METAP1D: variants seen among roughly 807,000 people sequenced by gnomAD.
METAP1D encodes methionyl aminopeptidase type 1D, mitochondrial.
Under a neutral mutation model 40.5 loss-of-function variants are expected in METAP1D, and 31 were observed. That is an observed-to-expected ratio of 0.77 (90% CI 0.58 to 1.03). METAP1D has a LOEUF of 1.03. Among genes scored for constraint, METAP1D ranks in the 50% least tolerant of loss-of-function variants. The pLI is 0.00. For missense variants in METAP1D, 411 were observed against 420.7 expected, an observed-to-expected ratio of 0.98 and a Z score of 0.20; for synonymous variants, 151 against 146.4, an observed-to-expected ratio of 1.03 and a Z score of -0.22.
chr2:172,068,459 A>T (rs575326074), intron 5 of METAP1D, among the ~76,000 whole-genome samples: 1 of 152,162 alleles, frequency 6.6e-6, no homozygotes, highest in Non-Finnish European at 1.5e-5. Context: ...GAAATTGTAG[A>T]TGACTGCCAC....
At chr2:172,038,960 G>A (rs1160899867) in intron 1 of METAP1D, among the ~76,000 whole-genome samples, 1 of 152,150 alleles carries the variant, frequency 6.6e-6, no homozygotes, top group East Asian at 1.9e-4. Context: ...GGAGCAGGGT[G>A]GATTTGGTAG....
At chr2:172,049,851 A>G (rs781393855) in intron 1 of METAP1D, among the ~76,000 whole-genome samples, 3 of 152,182 alleles carry the variant, frequency 2.0e-5, no homozygotes, top group African/African-American at 4.8e-5. Flanking sequence ...TTATTGACCT[A>G]TCTACCTACC....
intron 1 of METAP1D, among the ~76,000 whole-genome samples, chr2:172,047,109 T>C (rs1356423804): frequency 6.6e-6 from 1 of 152,240 alleles, no homozygotes; most frequent in Non-Finnish European, 1.5e-5. Flanking sequence ...TATATTTTAG[T>C]GTTTGTGATT....
chr2:172,017,313 C>A, intron 1 of METAP1D, among the ~76,000 whole-genome samples: 1 of 144,800 alleles, frequency 6.9e-6, no homozygotes, highest in Admixed American at 7.0e-5. Flanking sequence ...TTTCATGGAA[C>A]AAGACAGACA....
chr2:172,039,979 CTT>C (rs1010752067), intron 1 of METAP1D, among the ~76,000 whole-genome samples: 1 of 143,708 alleles, frequency 7.0e-6, no homozygotes, highest in Non-Finnish European at 1.5e-5. Context: ...CCAGCCAAAA[CTT>C]TTTTTTGTTT....
chr2:172,019,662 G>A (rs955433695), intron 1 of METAP1D, among the ~76,000 whole-genome samples: 48 of 152,052 alleles, frequency 3.2e-4, no homozygotes, highest in African/African-American at 1.0e-3. Context: ...GGCCTCTTCC[G>A]TCAAGCCTTA....
chr2:172,057,935 C>CT lies in METAP1D; in HGVS notation c.41-3548dup, dbSNP rs34383352. Among the ~76,000 whole-genome samples the CT allele has an allele frequency of 0.031, 4,420 of 144,608 alleles. 539 individuals carry two copies. In the East Asian group the frequency reaches 0.44, roughly 14 times the overall value. 94.9% of individuals were successfully genotyped at this position (144,608 alleles called of 152,430 possible). The stretch of plus-strand genomic sequence containing the variant: ...TTTCCCATTTTATTTTTTGTGCAGA[C>CT]TTTTTTTTTTTTTTTGAGACAGGAT... On this transcript the variant is annotated intron_variant, in intron 1 of 9. Coordinates refer to ENST00000315796, the MANE Select transcript of METAP1D (RefSeq NM_199227.3).
At position 172,082,178 on chromosome 2, in the gene METAP1D, G is replaced by T. The variant is rs555910071; in HGVS notation, c.*1772G>T. 1 of 152,106 alleles carries T rather than the reference G, an allele frequency of 6.6e-6. No individual in the cohort carries two copies. Among genetic ancestry groups the T allele is most frequent in the Non-Finnish European group, 1.5e-5 (1 of 68,054 alleles). 9.4% of individuals were successfully genotyped at this position (152,106 alleles called of 1,614,324 possible). ...TCTGAATTCCCTAAAGATCAAGAGG[G>T]TTCAGCTGGCCTTGGGAGATGTTTG... On this transcript the variant is annotated 3_prime_UTR_variant, in exon 10 of 10. Coordinates refer to ENST00000315796, the MANE Select transcript of METAP1D (RefSeq NM_199227.3).
chr2:172,058,061 C>CCTCCTGAGTAGCTGGA (rs967725665), intron 1 of METAP1D, among the ~76,000 whole-genome samples: 2 of 151,954 alleles, frequency 1.3e-5, no homozygotes, highest in Admixed American at 1.3e-4. Flanking sequence ...CCTGCCTCAG[C>CCTCCTGAGTAGCTGGA]CTCCTGAGTA....
intron 1 of METAP1D, among the ~76,000 whole-genome samples, chr2:172,032,406 C>A (rs1420978473): frequency 6.6e-6 from 1 of 152,110 alleles, no homozygotes; most frequent in African/African-American, 2.4e-5. Context: ...AGAAATAGAT[C>A]ATCTTCTAGA....
intron 5 of METAP1D, among the ~76,000 whole-genome samples, chr2:172,068,907 T>C (rs1302037818): frequency 6.6e-6 from 1 of 152,052 alleles, no homozygotes; most frequent in African/African-American, 2.4e-5. Flanking sequence ...TTTCTTTTTC[T>C]TTGTTTCCTT....
chr2:172,042,556 TACATGTGC>T lies in METAP1D; in HGVS notation c.41-18937_41-18930del, dbSNP rs1375061313. 4.0e-5 allele frequency among the ~76,000 whole-genome samples: 2 copies of T among 49,868 alleles called. 1 individual carries two copies. Among genetic ancestry groups the T allele is most frequent in the African/African-American group, 1.7e-4 (2 of 11,818 alleles). 32.7% of individuals were successfully genotyped at this position (49,868 alleles called of 152,430 possible). ...ATATATACATATATGTGTGTATGTG[TACATGTGC>T]ACATATATACATATATGTGTGTATG... On this transcript the variant is annotated intron_variant, in intron 1 of 9. Coordinates refer to ENST00000315796, the MANE Select transcript of METAP1D (RefSeq NM_199227.3).
At chr2:172,067,883 A>C (rs539057440) in intron 5 of METAP1D, among the ~76,000 whole-genome samples, 56 of 152,336 alleles carry the variant, frequency 3.7e-4, no homozygotes, top group Non-Finnish European at 5.7e-4. Flanking sequence ...TTAACAAATT[A>C]TATTTCTTAT....
At chr2:172,032,560 C>T (rs1400052907) in intron 1 of METAP1D, among the ~76,000 whole-genome samples, 1 of 152,170 alleles carries the variant, frequency 6.6e-6, no homozygotes, top group Non-Finnish European at 1.5e-5. Flanking sequence ...AACTGAACCT[C>T]AGGATGACCA....
chr2:172,077,773 A>G, intron 6 of METAP1D, 24 bp from the exon 7 acceptor site: 1 of 1,238,910 alleles, frequency 8.1e-7, no homozygotes, highest in Non-Finnish European at 1.1e-6. Flanking sequence ...AATTTAATTA[A>G]ATATTTTTTG....
At chr2:172,065,915 G>A (rs1690266265) in intron 4 of METAP1D, among the ~76,000 whole-genome samples, 163 bp downstream of exon 4, 2 of 152,186 alleles carry the variant, frequency 1.3e-5, no homozygotes, top group African/African-American at 2.4e-5. Context: ...ACTTCTAAAT[G>A]GATACACCAC....
chr2:172,080,765 A>C lies in METAP1D; in HGVS notation c.*359A>C. The C allele has an allele frequency of 2.6e-6, 1 of 382,700 alleles. No individual in the cohort carries two copies. Among genetic ancestry groups the C allele is most frequent in the South Asian group, 2.7e-5 (1 of 36,658 alleles). The allele number at this position is 382,700 out of a possible 1,614,324, so 23.7% of individuals were successfully genotyped here. A position where few individuals can be genotyped will look rare whatever the true frequency, so the allele number is the denominator to read the frequency against. On this transcript the variant is annotated 3_prime_UTR_variant, in exon 10 of 10. Coordinates refer to ENST00000315796, the MANE Select transcript of METAP1D (RefSeq NM_199227.3). ...TTGGAGTAAAAAACCTCTTAAATCC[A>C]TTGTATCAGAGGTCCTTACCTCTCT...
intron 1 of METAP1D, among the ~76,000 whole-genome samples, chr2:172,037,085 C>T (rs540694508): frequency 1.3e-5 from 2 of 152,144 alleles, no homozygotes; most frequent in Admixed American, 6.5e-5. Context: ...CATGGAGAAA[C>T]CCTGTCTCTA....
intron 6 of METAP1D, 117 bp downstream of exon 6, chr2:172,071,187 A>G: frequency 1.1e-6 from 1 of 884,068 alleles, no homozygotes; most frequent in South Asian, 4.2e-5. Flanking sequence ...TCAGTCTGAT[A>G]TCAGTATGTG....
Sources: gnomAD v4.1 joint callset for allele counts (sites outside exome capture counted in the v4.1 genomes callset) on GRCh38, gnomAD v4.1.1 for gene constraint, MANE v1.5 for transcripts, NCBI Gene and HGNC (gene_info 2026-07-23, HGNC 2026-07-21) for gene names.